The following N4BP2L2 variants were observed in gnomAD, a reference collection of about 807,000 sequenced individuals.
N4BP2L2 encodes NEDD4 binding protein 2 like 2.
N4BP2L2 carries 50 observed loss-of-function variants against 56.2 expected under a neutral mutation model. The ratio of observed to expected loss-of-function variants is 0.89; its 90% CI spans 0.71 to 1.13. The LOEUF is 1.13. Among genes scored for constraint, N4BP2L2 ranks in the 50% most tolerant of loss-of-function variants. The probability of loss-of-function intolerance (pLI) is 0.00; values close to 1 mark genes in which losing one functional copy is unlikely to be tolerated. For synonymous variants in N4BP2L2, 203 were observed against 223.6 expected (o/e 0.91, Z 0.82); for missense variants, 689 against 693.8 (o/e 0.99, Z 0.08).
chr13:32,486,465 C>T (rs555385948), intron 6 of N4BP2L2, among the ~76,000 whole-genome samples: 78 of 151,046 alleles, frequency 5.2e-4, no homozygotes, highest in Non-Finnish European at 1.0e-3. Flanking sequence ...CACCTGAGGT[C>T]GGGAGTTCAA....
downstream of N4BP2L2, chr13:32,506,154 T>A (rs1031798945): frequency 1.3e-5 from 2 of 152,216 alleles, no homozygotes; most frequent in Non-Finnish European, 2.9e-5. Context: ...CCTGTAGATC[T>A]CTTTGGCTTG....
At chr13:32,520,175 A>T (rs2050401307) in intron 5 of N4BP2L2, among the ~76,000 whole-genome samples, 1 of 152,202 alleles carries the variant, frequency 6.6e-6, no homozygotes, top group Admixed American at 6.5e-5. Flanking sequence ...AAACTGAGGT[A>T]GAAGGGGAAA....
At chr13:32,437,503 C>T (rs903950860) in intron 8 of N4BP2L2, among the ~76,000 whole-genome samples, 6 of 152,178 alleles carry the variant, frequency 3.9e-5, no homozygotes, top group Admixed American at 1.3e-4. Flanking sequence ...GAACAGAACC[C>T]CAGCCACCCC....
At chr13:32,458,030 T>C (rs1299139017) in intron 6 of N4BP2L2, among the ~76,000 whole-genome samples, 1 of 152,016 alleles carries the variant, frequency 6.6e-6, no homozygotes, top group Non-Finnish European at 1.5e-5. Flanking sequence ...CTGTATTGAT[T>C]TGTTTTTTGT....
chr13:32,536,424 G>C, exon 2 of N4BP2L2: 1 of 1,613,770 alleles, frequency 6.2e-7, no homozygotes, highest in South Asian at 1.1e-5. Flanking sequence ...GGAACAAATT[G>C]TTCCTGAGAA....
intron 6 of N4BP2L2, among the ~76,000 whole-genome samples, chr13:32,481,570 A>G (rs2139151119): frequency 6.6e-6 from 1 of 152,336 alleles, no homozygotes. Context: ...ACATGTATGT[A>G]ATTTTAATGG....
chr13:32,442,956 A>G (rs773242430), exon 7 of N4BP2L2: 1 of 1,613,434 alleles, frequency 6.2e-7, no homozygotes. Context: ...CTTCTCCCAA[A>G]GTAATTTTTA....
At chr13:32,432,532 A>T (rs1455255722) in exon 10 of N4BP2L2, 1 of 152,218 alleles carries the variant, frequency 6.6e-6, no homozygotes, top group African/African-American at 2.4e-5. Context: ...AAAGTGGTTA[A>T]GATGGTAAAT....
intron 6 of N4BP2L2, among the ~76,000 whole-genome samples, chr13:32,480,871 C>T (rs929852452): frequency 3.3e-5 from 5 of 151,880 alleles, no homozygotes; most frequent in African/African-American, 1.2e-4. Context: ...ATAATCCCAG[C>T]ACTTTGGGAG....
rs34152087 is a variant in N4BP2L2 at position 32,501,431 on chromosome 13, CT to C, written c.365+16425del. Among the ~76,000 whole-genome samples the C allele has an allele frequency of 7.6e-3, 1,147 of 149,976 alleles. 19 individuals carry two copies. The highest frequency in any genetic ancestry group is 0.027 in the African/African-American group (1,106 of 40,942). Reference sequence around the variant, plus strand: ...CTTGACATTAAAACAAAATAAAAACCTTTTTTTTTTCTTTTAAAGAAATAGG... The same window carrying C: ...CTTGACATTAAAACAAAATAAAAACCTTTTTTTTTCTTTTAAAGAAATAGG... On this transcript the variant is annotated intron_variant, in intron 6 of 9. Transcript: ENST00000357505.
chr13:32,458,940 T>C (rs528334235), intron 6 of N4BP2L2, among the ~76,000 whole-genome samples: 3 of 152,264 alleles, frequency 2.0e-5, no homozygotes, highest in African/African-American at 7.2e-5. Context: ...ATATCAAGTA[T>C]CTTCTCAGAC....
At chr13:32,516,021 A>AACAACAC (rs1387324098) in exon 6 of N4BP2L2, 2 of 152,298 alleles carry the variant, frequency 1.3e-5, no homozygotes, top group African/African-American at 4.8e-5. Flanking sequence ...TACAGGTGTT[A>AACAACAC]GCCACCGTGC....
chr13:32,478,188 T>C (rs748788505), intron 6 of N4BP2L2: 68 of 567,524 alleles, frequency 1.2e-4, no homozygotes, highest in Non-Finnish European at 1.2e-4. Flanking sequence ...ACATCTATTT[T>C]CTAATAAAAC....
chr13:32,471,011 G>A (rs2082188839), intron 6 of N4BP2L2, among the ~76,000 whole-genome samples: 1 of 152,232 alleles, frequency 6.6e-6, no homozygotes, highest in African/African-American at 2.4e-5. Context: ...GAAACCAGGT[G>A]CAGGCAAAGT....
At chr13:32,507,114 G>C (rs2091080649), downstream of N4BP2L2, 1 of 152,122 alleles carries the variant, frequency 6.6e-6, no homozygotes, top group Non-Finnish European at 1.5e-5. Flanking sequence ...GAATCCATTT[G>C]ATGGATTGAA....
At chr13:32,505,432 G>A (rs755424931), downstream of N4BP2L2, 1 of 152,160 alleles carries the variant, frequency 6.6e-6, no homozygotes, top group Non-Finnish European at 1.5e-5. Context: ...TCCAGAACAT[G>A]CTAAATTTTT....
chr13:32,457,623 C>A (rs957729493), intron 6 of N4BP2L2, among the ~76,000 whole-genome samples: 1 of 152,036 alleles, frequency 6.6e-6, no homozygotes, highest in Admixed American at 6.6e-5. Flanking sequence ...AATACTATAC[C>A]CAGGAAAGTT....
downstream of N4BP2L2, chr13:32,510,190 G>A (rs1291692892): frequency 6.6e-6 from 1 of 151,822 alleles, no homozygotes; most frequent in Non-Finnish European, 1.5e-5. Flanking sequence ...GTAACAAGTG[G>A]ACATAAAAGA....
chr13:32,468,555 G>A (rs1210751199), intron 6 of N4BP2L2, among the ~76,000 whole-genome samples: 1 of 152,154 alleles, frequency 6.6e-6, no homozygotes, highest in Non-Finnish European at 1.5e-5. Flanking sequence ...GACAGAATCA[G>A]GATCCAAATG....
Sources: allele counts gnomAD v4.1 joint callset (sites outside exome capture counted in the v4.1 genomes callset), GRCh38; gene constraint gnomAD v4.1.1; transcripts MANE v1.5; gene names NCBI Gene and HGNC (gene_info 2026-07-23, HGNC 2026-07-21).